ARFGEF3: variants seen among roughly 807,000 people sequenced by gnomAD.
The protein encoded by ARFGEF3 is ARFGEF family member 3, also known as brefeldin A-inhibited guanine nucleotide-exchange protein 3.
In ARFGEF3, 96 loss-of-function variants were observed where a neutral mutation model predicts 221.7. The observed-to-expected ratio is 0.43, with a 90% CI of 0.37 to 0.51. ARFGEF3 has a LOEUF of 0.51. Among genes scored for constraint, ARFGEF3 ranks in the 20% least tolerant of loss-of-function variants. The probability of loss-of-function intolerance (pLI) is 0.00; values close to 1 mark genes in which losing one functional copy is unlikely to be tolerated. For missense variants in ARFGEF3, 2,410 were observed against 2,789.9 expected (o/e 0.86, Z 3.07); for synonymous variants, 1,145 against 1,126.8 (o/e 1.02, Z -0.32).
chr6:138,170,709 C>T lies in ARFGEF3; in HGVS notation c.133C>T (p.Leu45=), dbSNP rs767144184. ...DTIVKIPPHV[L]REKCLLPLQL... ...CATTGTCAAGATCCCTCCACATGTA[C>T]TGAGGTAGGAGATGGACATTGTATA... The change falls in exon 2 of 34, where the codon CTG becomes TTG. Residue 45 remains leucine, a synonymous_variant. Transcript: ENST00000251691. 8 of 1,568,912 alleles carry T rather than the reference C, an allele frequency of 5.1e-6. No individual in the cohort carries two copies. The South Asian group carries it at 7.8e-5, about 15-fold the overall frequency.
intron 25 of ARFGEF3, 68 bp downstream of exon 25, chr6:138,311,578 G>A (rs767631167): frequency 3.6e-5 from 39 of 1,073,990 alleles, no homozygotes; most frequent in South Asian, 9.5e-5. Context: ...CAAAACATGC[G>A]TGGGGGGTCT....
chr6:138,219,072 G>A (rs187973974), intron 4 of ARFGEF3, among the ~76,000 whole-genome samples: 85 of 152,284 alleles, frequency 5.6e-4, no homozygotes, highest in African/African-American at 1.8e-3. Context: ...TAAAGAGGCA[G>A]CCAATTACCA....
intron 4 of ARFGEF3, among the ~76,000 whole-genome samples, chr6:138,215,700 T>TA (rs1777829280): frequency 6.6e-6 from 1 of 151,926 alleles, no homozygotes; most frequent in African/African-American, 2.4e-5. Flanking sequence ...TAAGGAGGGG[T>TA]AAAACTAGGA....
intron 5 of ARFGEF3, among the ~76,000 whole-genome samples, chr6:138,232,404 C>T (rs547688307): frequency 2.6e-4 from 39 of 152,140 alleles, no homozygotes; most frequent in Non-Finnish European, 5.0e-4. Context: ...ACTCGGGAGG[C>T]TGAGGCAGAA....
intron 12 of ARFGEF3, among the ~76,000 whole-genome samples, chr6:138,266,891 G>A (rs1778906433): frequency 6.8e-6 from 1 of 147,848 alleles, no homozygotes; most frequent in Non-Finnish European, 1.5e-5. Context: ...ATGAGCTAAG[G>A]GAGTTGTACA....
At chr6:138,184,125 G>T (rs1777134835) in intron 2 of ARFGEF3, among the ~76,000 whole-genome samples, 1 of 152,022 alleles carries the variant, frequency 6.6e-6, no homozygotes, top group Admixed American at 6.5e-5. Flanking sequence ...AATTTGGATT[G>T]TATCTATTTA....
At chr6:138,236,931 TTAATC>T (rs1304031328) in intron 5 of ARFGEF3, among the ~76,000 whole-genome samples, 1 of 152,146 alleles carries the variant, frequency 6.6e-6, no homozygotes, top group Admixed American at 6.5e-5. Context: ...ATGAAATTAA[TTAATC>T]TAAGCCAACT....
chr6:138,294,521 G>A (rs539957460), intron 20 of ARFGEF3, among the ~76,000 whole-genome samples: 5 of 152,292 alleles, frequency 3.3e-5, no homozygotes, highest in African/African-American at 1.2e-4. Context: ...GGTGGTTTGT[G>A]ATATGCAGAA....
chr6:138,313,237 G>A (rs1225113147), intron 25 of ARFGEF3, among the ~76,000 whole-genome samples: 1 of 152,158 alleles, frequency 6.6e-6, no homozygotes, highest in Non-Finnish European at 1.5e-5. Flanking sequence ...GCTCACGGGT[G>A]CCTGGGCGCT....
chr6:138,320,286 A>G (rs1780001130), intron 28 of ARFGEF3, among the ~76,000 whole-genome samples: 2 of 152,234 alleles, frequency 1.3e-5, no homozygotes, highest in African/African-American at 4.8e-5. Context: ...GGCTAAATGG[A>G]GGAGGCAGGG....
intron 5 of ARFGEF3, among the ~76,000 whole-genome samples, chr6:138,231,023 T>G (rs9402961): frequency 0.18 from 28,026 of 151,982 alleles, 3,785 homozygotes; most frequent in East Asian, 0.38. Flanking sequence ...GTCAAGCCAC[T>G]GCCCCTGCTG....
intron 4 of ARFGEF3, chr6:138,216,468 C>T (rs1330433837): frequency 6.6e-6 from 1 of 152,086 alleles, no homozygotes; most frequent in Non-Finnish European, 1.5e-5. Flanking sequence ...GTGCCTTGGT[C>T]TGGGAGCAAG....
intron 12 of ARFGEF3, among the ~76,000 whole-genome samples, chr6:138,277,144 C>T (rs1436615317): frequency 6.6e-6 from 1 of 152,188 alleles, no homozygotes; most frequent in African/African-American, 2.4e-5. Context: ...TACTCTGCCC[C>T]TGGTCCCTGG....
At chr6:138,226,212 A>C (rs1778081716) in intron 4 of ARFGEF3, among the ~76,000 whole-genome samples, 2 of 152,228 alleles carry the variant, frequency 1.3e-5, no homozygotes, top group South Asian at 4.1e-4. Context: ...TTCTGTGCTC[A>C]TCATCATTAT....
intron 25 of ARFGEF3, among the ~76,000 whole-genome samples, chr6:138,312,598 ACT>A (rs2114668019): frequency 6.7e-6 from 1 of 150,284 alleles, no homozygotes; most frequent in African/African-American, 2.5e-5. Flanking sequence ...CTCTGCTGGG[ACT>A]CTCTCCCCAG....
chr6:138,253,314 TA>T (rs35531265), intron 8 of ARFGEF3, among the ~76,000 whole-genome samples: 2,267 of 146,856 alleles, frequency 0.015, 34 homozygotes, highest in Middle Eastern at 0.059. Flanking sequence ...GTTTATTAGT[TA>T]AAAAAAAAAA....
intron 12 of ARFGEF3, among the ~76,000 whole-genome samples, chr6:138,264,925 A>G (rs1778858755): frequency 6.9e-6 from 1 of 145,938 alleles, no homozygotes. Context: ...TTTTTCTGAG[A>G]GAAAGTCTCA....
At chr6:138,198,471 C>T (rs1488429593) in intron 2 of ARFGEF3, among the ~76,000 whole-genome samples, 1 of 152,194 alleles carries the variant, frequency 6.6e-6, no homozygotes, top group East Asian at 1.9e-4. Context: ...TTCCAGTTGG[C>T]TCAATGGAAT....
intron 22 of ARFGEF3, among the ~76,000 whole-genome samples, 188 bp from the exon 23 acceptor site, chr6:138,307,065 G>A (rs1452618090): frequency 1.3e-5 from 2 of 152,128 alleles, no homozygotes; most frequent in East Asian, 1.9e-4. Context: ...TTAGTCATTA[G>A]TGAAATGCAA....
Sources: allele counts gnomAD v4.1 joint callset (sites outside exome capture counted in the v4.1 genomes callset), GRCh38; gene constraint gnomAD v4.1.1; transcripts MANE v1.5; gene names NCBI Gene and HGNC (gene_info 2026-07-23, HGNC 2026-07-21).